Variants in BLM observed in about 807,000 individuals in gnomAD.
BLM encodes the protein recQ-like DNA helicase BLM.
Under a neutral mutation model 135.3 loss-of-function variants are expected in BLM, and 95 were observed. That is an observed-to-expected ratio of 0.70 (90% CI 0.59 to 0.83). The LOEUF (loss-of-function observed/expected upper bound fraction) is 0.83, where lower values mean the gene tolerates loss of function less well. BLM is among the 40% of genes least tolerant of loss of function. The probability of loss-of-function intolerance (pLI) is 0.00; values close to 1 mark genes in which losing one functional copy is unlikely to be tolerated. For missense variants in BLM, 1,518 were observed against 1,663.9 expected (o/e 0.91, Z 1.53); for synonymous variants, 520 against 589.2 (o/e 0.88, Z 1.70).
At chr15:90,808,386 G>C in intron 19 of BLM, among the ~76,000 whole-genome samples, 1 of 152,208 alleles carries the variant, frequency 6.6e-6, no homozygotes, top group African/African-American at 2.4e-5. Context: ...GCATCAGTCA[G>C]TCCTACAGAG....
intron 1 of BLM, among the ~76,000 whole-genome samples, chr15:90,722,251 AG>A: frequency 6.6e-6 from 1 of 152,008 alleles, no homozygotes; most frequent in Non-Finnish European, 1.5e-5. Context: ...CTGGGACTAC[AG>A]GCACCTGCCA....
intron 1 of BLM, among the ~76,000 whole-genome samples, chr15:90,730,773 T>G (rs1374586334): frequency 2.0e-5 from 3 of 152,084 alleles, no homozygotes. Flanking sequence ...ATGAATGGAT[T>G]TCACTGTGAA....
At chr15:90,759,709 C>T (rs1162476106) in intron 5 of BLM, among the ~76,000 whole-genome samples, 1 of 151,852 alleles carries the variant, frequency 6.6e-6, no homozygotes, top group African/African-American at 2.4e-5. Context: ...CAGGTTCAAG[C>T]GATTCTCCTG....
rs1897235538 is a variant in BLM, at chr15:90,804,267, G to A, written c.3659G>A (p.Gly1220Glu). The stretch of plus-strand genomic sequence containing the variant: ...GAAGAGATGGTTAAAAAATGTCTTG[G>A]AGAACTTACAGAAGTCTGCAAATCT... ...QREEMVKKCL[G>E]ELTEVCKSLG... is the part of the protein sequence containing the mutation. The change falls in exon 19 of 22, where the codon GGA (glycine) becomes GAA (glutamate). Residue 1220 changes from glycine (G) to glutamate (E), a missense_variant. Physicochemically the swap from Gly to Glu is moderately conservative, Grantham distance 98. This residue lies in a region of BLM where 626 missense variants were observed against 681.1 expected (regional missense o/e 0.92). Transcript: ENST00000355112. The A allele has an allele frequency of 6.2e-7, 1 of 1,614,080 alleles. No individual in the cohort carries two copies. Among genetic ancestry groups the A allele is most frequent in the Non-Finnish European group, 8.5e-7 (1 of 1,179,944 alleles).
At chr15:90,723,405 G>A (rs1894822451) in intron 1 of BLM, among the ~76,000 whole-genome samples, 1 of 150,272 alleles carries the variant, frequency 6.7e-6, no homozygotes, top group Admixed American at 6.7e-5. Context: ...TGTAATCCCA[G>A]CACTTTGGGA....
At chr15:90,744,648 G>A (rs898198485) in intron 1 of BLM, among the ~76,000 whole-genome samples, 2 of 152,044 alleles carry the variant, frequency 1.3e-5, no homozygotes, top group Non-Finnish European at 2.9e-5. Flanking sequence ...GGGATTACAG[G>A]CGTGAGCCAC....
At chr15:90,785,637 A>C (rs753726838) in intron 14 of BLM, among the ~76,000 whole-genome samples, 22 of 150,186 alleles carry the variant, frequency 1.5e-4, no homozygotes, top group Non-Finnish European at 3.1e-4. Context: ...TCCGCCTCCC[A>C]GGTTCAAGTG....
chr15:90,769,271 C>T, intron 11 of BLM, 40 bp downstream of exon 11: 1 of 1,549,684 alleles, frequency 6.5e-7, no homozygotes, highest in Non-Finnish European at 8.9e-7. Context: ...CCGATAAATA[C>T]ATACTACCAA....
Position 90,815,032 on chromosome 15 carries a change from A to G in BLM, c.4077-70A>G, listed in dbSNP as rs2151202145. On this transcript the variant is annotated intron_variant, in intron 21 of 21. Transcript: ENST00000355112. This position sits in a 1 kb window ranked among gnomAD's most constrained non-coding sequence, Gnocchi z 4.6. ...GGGAAGTGGTATTGTAGCTCTGTGC[A>G]GGTTGAGAGGAAGGTCATTCATTTT... The G allele has an allele frequency of 7.1e-7, 1 of 1,411,878 alleles. No individual in the cohort carries two copies. Among genetic ancestry groups the G allele is most frequent in the Non-Finnish European group, 9.6e-7 (1 of 1,037,174 alleles). 87.5% of individuals were successfully genotyped at this position (1,411,878 alleles called of 1,614,324 possible). A position where few individuals can be genotyped will look rare whatever the true frequency, so the allele number is the denominator to read the frequency against.
At chr15:90,776,982 GGTTTTGTTTT>G (rs142676491) in intron 12 of BLM, among the ~76,000 whole-genome samples, 1 of 151,610 alleles carries the variant, frequency 6.6e-6, no homozygotes, top group Non-Finnish European at 1.5e-5. Context: ...TTTCTTTGTG[GGTTTTGTTTT>G]GTTTTGTTTT....
chr15:90,751,238 G>A (rs1469623171), intron 3 of BLM, among the ~76,000 whole-genome samples: 2 of 152,310 alleles, frequency 1.3e-5, no homozygotes, highest in Admixed American at 6.5e-5. Context: ...TCTAGGGTGA[G>A]AGAGCACTGA....
At chr15:90,735,729 T>C (rs772832676) in intron 1 of BLM, among the ~76,000 whole-genome samples, 1 of 151,958 alleles carries the variant, frequency 6.6e-6, no homozygotes, top group Non-Finnish European at 1.5e-5. Context: ...GAAGAATACA[T>C]AGATGAGTTT....
At chr15:90,771,240 A>C (rs1305192361) in intron 12 of BLM, among the ~76,000 whole-genome samples, 1 of 152,232 alleles carries the variant, frequency 6.6e-6, no homozygotes, top group Non-Finnish European at 1.5e-5. Context: ...TAATCCCAGC[A>C]CTTTGGGAGG....
chr15:90,766,896 A>G lies in BLM; in HGVS notation c.2194-14A>G, dbSNP rs778980650. 5.6e-5 allele frequency: 84 copies of G among 1,497,600 alleles called. No homozygotes were observed. The highest frequency in any genetic ancestry group is 7.4e-5 in the Non-Finnish European group (80 of 1,076,364). 92.8% of individuals were successfully genotyped at this position (1,497,600 alleles called of 1,614,324 possible). ...ATGTATAAAATTGAAATTGTTTACT[A>G]CTTTTATACTTAGATTCCAGCTACA... is the stretch of plus-strand genomic sequence containing the variant. On this transcript the variant is annotated splice_polypyrimidine_tract_variant and intron_variant, in intron 9 of 21. Transcript: ENST00000355112.
At chr15:90,747,702 A>C (rs953520893) in intron 2 of BLM, 3 of 491,368 alleles carry the variant, frequency 6.1e-6, no homozygotes, top group African/African-American at 5.8e-5. Context: ...CTGGCACATA[A>C]TATTTGCTCA....
intron 5 of BLM, among the ~76,000 whole-genome samples, chr15:90,756,364 A>G (rs62025113): frequency 0.025 from 3,744 of 152,248 alleles, 59 homozygotes; most frequent in South Asian, 0.038. Context: ...CGGCCCCCCA[A>G]AGTGCTGGGA....
At chr15:90,747,795 G>A in intron 2 of BLM, 1 of 328,064 alleles carries the variant, frequency 3.0e-6, no homozygotes, top group Non-Finnish European at 5.8e-6. Flanking sequence ...GGGTTTTTTT[G>A]TTTGTTTTGT....
chr15:90,762,791 T>C (rs1896020160), intron 7 of BLM, among the ~76,000 whole-genome samples, 175 bp from the exon 8 acceptor site: 3 of 152,088 alleles, frequency 2.0e-5, no homozygotes, highest in Admixed American at 2.0e-4. Flanking sequence ...GATTTGGGAC[T>C]TTGGCAAGTT....
At chr15:90,794,781 T>C (rs1170395778) in intron 16 of BLM, among the ~76,000 whole-genome samples, 1 of 146,090 alleles carries the variant, frequency 6.8e-6, no homozygotes, top group Non-Finnish European at 1.5e-5. Flanking sequence ...TATTAATATT[T>C]AATATTTTAA....
Sources: gnomAD v4.1 joint callset for allele counts (sites outside exome capture counted in the v4.1 genomes callset) on GRCh38, gnomAD v4.1.1 for gene constraint, gnomAD v4.1.1 regional missense constraint, Gnocchi (gnomAD v3.1) non-coding constraint, MANE v1.5 for transcripts, NCBI Gene and HGNC (gene_info 2026-07-23, HGNC 2026-07-21) for gene names.